The following ATRNL1 variants were observed in gnomAD, a reference collection of about 807,000 sequenced individuals.
The protein encoded by ATRNL1 is attractin-like protein 1.
In ATRNL1, 95 loss-of-function variants were observed where a neutral mutation model predicts 182.7. The ratio of observed to expected loss-of-function variants is 0.52; its 90% CI spans 0.44 to 0.62. The LOEUF (loss-of-function observed/expected upper bound fraction) is 0.62, where lower values mean the gene tolerates loss of function less well. Ranked by LOEUF, ATRNL1 falls within the 20% of genes least tolerant of loss-of-function variation. The pLI, the probability that ATRNL1 is intolerant of heterozygous loss-of-function variation, is 0.00. For synonymous variants in ATRNL1, 576 were observed against 568.3 expected (o/e 1.01, Z -0.19); for missense variants, 1,471 against 1,679.5 (o/e 0.88, Z 2.17).
Position 115,948,886 on chromosome 10 carries a change from G to C in ATRNL1, c.*4107G>C, listed in dbSNP as rs1381691858. On this transcript the variant is annotated 3_prime_UTR_variant, in exon 29 of 29. Transcript: ENST00000355044. ...CAGGTGTGCATGCCAGTGTTCAAAAGATTGTGTAAAAGTTCAAGCCCGTTT... is the reference window on the plus strand; with the variant it reads ...CAGGTGTGCATGCCAGTGTTCAAAACATTGTGTAAAAGTTCAAGCCCGTTT... 7.2e-6 allele frequency: 1 copy of C among 139,630 alleles called. No individual in the cohort carries two copies. The highest frequency in any genetic ancestry group is 2.2e-4 in the East Asian group (1 of 4,554). The allele number at this position is 139,630 out of a possible 1,614,324, so 8.6% of individuals were successfully genotyped here.
intron 19 of ATRNL1, among the ~76,000 whole-genome samples, chr10:115,363,100 A>T (rs1260476055): frequency 6.8e-6 from 1 of 147,332 alleles, no homozygotes; most frequent in Non-Finnish European, 1.5e-5. Flanking sequence ...CGCCACACTG[A>T]CTTCCACAAT....
intron 9 of ATRNL1, among the ~76,000 whole-genome samples, chr10:115,225,357 C>T (rs1554898412): frequency 1.3e-5 from 2 of 151,386 alleles, no homozygotes; most frequent in Non-Finnish European, 1.5e-5. Flanking sequence ...TTACTGCAAG[C>T]ATTATGGTGA....
intron 26 of ATRNL1, among the ~76,000 whole-genome samples, chr10:115,587,851 T>TAACA (rs71303507): frequency 0.48 from 72,202 of 151,792 alleles, 18,612 homozygotes; most frequent in East Asian, 0.84. Flanking sequence ...ACTATTAAAA[T>TAACA]AACAAAGTTT....
intron 9 of ATRNL1, among the ~76,000 whole-genome samples, chr10:115,232,490 C>T (rs181422842): frequency 2.6e-5 from 4 of 152,042 alleles, no homozygotes; most frequent in African/African-American, 9.7e-5. Context: ...AACATTTTAT[C>T]TCTCAGATTG....
At chr10:115,588,024 A>G (rs187621648) in intron 26 of ATRNL1, among the ~76,000 whole-genome samples, 1,885 of 152,322 alleles carry the variant, frequency 0.012, 13 homozygotes, top group Non-Finnish European at 0.018. Context: ...CAAATGGTTC[A>G]AATTCACTAG....
intron 27 of ATRNL1, among the ~76,000 whole-genome samples, chr10:115,738,191 T>C (rs1353299408): frequency 1.5e-5 from 2 of 131,672 alleles, no homozygotes; most frequent in Non-Finnish European, 3.1e-5. Flanking sequence ...CAGGCTGGAG[T>C]GCACTGGCAC....
intron 27 of ATRNL1, among the ~76,000 whole-genome samples, chr10:115,794,593 G>T (rs1261627667): frequency 6.6e-6 from 1 of 152,036 alleles, no homozygotes; most frequent in Non-Finnish European, 1.5e-5. Context: ...CCTCAATTTG[G>T]ATTTGTTCAG....
At chr10:115,831,525 G>A (rs375906803) in intron 27 of ATRNL1, among the ~76,000 whole-genome samples, 57 of 152,198 alleles carry the variant, frequency 3.7e-4, no homozygotes, top group African/African-American at 1.3e-3. Context: ...TGAAAAGCAC[G>A]CCGGGGTGAG....
chr10:115,630,848 A>G (rs1427306798), intron 26 of ATRNL1, among the ~76,000 whole-genome samples: 2 of 141,394 alleles, frequency 1.4e-5, no homozygotes, highest in African/African-American at 5.8e-5. Context: ...ACACACACAC[A>G]CACACACACA....
chr10:115,441,032 C>A (rs555289600), intron 21 of ATRNL1, among the ~76,000 whole-genome samples: 6 of 151,798 alleles, frequency 4.0e-5, no homozygotes, highest in Admixed American at 1.3e-4. Flanking sequence ...CTTTTTTGCA[C>A]CTATACTTAT....
chr10:115,886,122 C>T (rs1357811696), intron 28 of ATRNL1, among the ~76,000 whole-genome samples: 4 of 152,020 alleles, frequency 2.6e-5, no homozygotes, highest in African/African-American at 9.7e-5. Context: ...CCGAGTGAAA[C>T]CAAAGGACCT....
At chr10:115,320,571 C>T (rs1554931121) in intron 18 of ATRNL1, among the ~76,000 whole-genome samples, 1 of 152,096 alleles carries the variant, frequency 6.6e-6, no homozygotes, top group African/African-American at 2.4e-5. Context: ...TCCCATATTT[C>T]TTGGAAGCTT....
chr10:115,689,574 A>C (rs1313934148), intron 26 of ATRNL1, among the ~76,000 whole-genome samples: 3 of 152,158 alleles, frequency 2.0e-5, no homozygotes, highest in African/African-American at 4.8e-5. Context: ...CCAGAACAGC[A>C]TACACTGGCA....
chr10:115,246,820 A>T (rs1232389482), intron 10 of ATRNL1, among the ~76,000 whole-genome samples: 1 of 149,144 alleles, frequency 6.7e-6, no homozygotes, highest in Non-Finnish European at 1.5e-5. Context: ...TCGGCCTCCC[A>T]AAGTGCTGGG....
intron 15 of ATRNL1, among the ~76,000 whole-genome samples, chr10:115,287,343 CTT>C (rs1554919280): frequency 6.6e-6 from 1 of 151,916 alleles, no homozygotes; most frequent in Non-Finnish European, 1.5e-5. Context: ...TGAGAGTTAA[CTT>C]TGGTTACAAT....
chr10:115,689,495 C>G (rs541554438), intron 26 of ATRNL1, among the ~76,000 whole-genome samples: 1 of 152,136 alleles, frequency 6.6e-6, no homozygotes, highest in Non-Finnish European at 1.5e-5. Context: ...AAATTTTCCT[C>G]TAAGAACTGT....
At chr10:115,501,078 A>C (rs974950877) in intron 24 of ATRNL1, among the ~76,000 whole-genome samples, 2 of 151,436 alleles carry the variant, frequency 1.3e-5, no homozygotes, top group Non-Finnish European at 2.9e-5. Flanking sequence ...GATTACAGGC[A>C]CCCACCACCA....
At chr10:115,646,630 C>CTT (rs57206126) in intron 26 of ATRNL1, among the ~76,000 whole-genome samples, 7 of 143,878 alleles carry the variant, frequency 4.9e-5, no homozygotes, top group South Asian at 2.2e-4. Context: ...TTCTTTTTTT[C>CTT]TTTTTTTTTT....
At position 115,127,683 on chromosome 10, in the gene ATRNL1, T is replaced by C; in HGVS notation, c.582T>C (p.Asp194=). 2 of 1,569,554 alleles carry C rather than the reference T, an allele frequency of 1.3e-6. No homozygotes were observed. The highest frequency in any genetic ancestry group is 1.7e-6 in the Non-Finnish European group (2 of 1,162,830). ...SGYALLHFFS[D]AAYNLTGFNI... ...ATGCACTGTTACATTTTTTTAGTGATGCTGCGTATAATCTAACTGGTTTCA... is the reference window on the plus strand; with the variant it reads ...ATGCACTGTTACATTTTTTTAGTGACGCTGCGTATAATCTAACTGGTTTCA... Residue 194 remains aspartate, a synonymous_variant, in exon 4 of 29, where the codon GAT becomes GAC. Transcript: ENST00000355044.
Sources: gnomAD v4.1 joint callset for allele counts (sites outside exome capture counted in the v4.1 genomes callset) on GRCh38, gnomAD v4.1.1 for gene constraint, MANE v1.5 for transcripts, NCBI Gene and HGNC (gene_info 2026-07-23, HGNC 2026-07-21) for gene names.